Variants in VRK2 observed in about 807,000 individuals in gnomAD.
The protein encoded by VRK2 is VRK serine/threonine kinase 2.
Under a neutral mutation model 57.6 loss-of-function variants are expected in VRK2, and 60 were observed. The ratio of observed to expected loss-of-function variants is 1.04; its 90% CI spans 0.85 to 1.29. The LOEUF is 1.29. Among genes scored for constraint, VRK2 ranks in the 50% most tolerant of loss-of-function variants. The pLI is 0.00. For missense variants in VRK2, 705 were observed against 588.1 expected, an observed-to-expected ratio of 1.20 and a Z score of -2.06; for synonymous variants, 231 against 199.2, an observed-to-expected ratio of 1.16 and a Z score of -1.35.
intron 1 of VRK2, among the ~76,000 whole-genome samples, chr2:58,005,565 G>A (rs1303396827): frequency 6.6e-6 from 1 of 151,954 alleles, no homozygotes; most frequent in Non-Finnish European, 1.5e-5. Flanking sequence ...AAGAAATGTT[G>A]ATGCAAAACA....
chr2:57,994,509 G>T (rs895675637), intron 1 of VRK2, among the ~76,000 whole-genome samples: 1 of 152,034 alleles, frequency 6.6e-6, no homozygotes, highest in Non-Finnish European at 1.5e-5. Context: ...TGATCCACTG[G>T]AATGAATAAC....
chr2:58,026,204 G>A (rs906058922), intron 2 of VRK2, among the ~76,000 whole-genome samples: 2 of 151,898 alleles, frequency 1.3e-5, no homozygotes, highest in African/African-American at 2.4e-5. Context: ...GAGAATAATA[G>A]AAAATCTTTG....
chr2:58,056,801 G>A (rs1224199005), intron 2 of VRK2, among the ~76,000 whole-genome samples: 1 of 152,162 alleles, frequency 6.6e-6, no homozygotes, highest in Non-Finnish European at 1.5e-5. Flanking sequence ...TAGAGGTAGA[G>A]GAGAGTTGGT....
chr2:58,131,368 G>A (rs565322733), intron 8 of VRK2, among the ~76,000 whole-genome samples: 26 of 151,336 alleles, frequency 1.7e-4, no homozygotes, highest in African/African-American at 5.8e-4. Context: ...TCAATGTTTA[G>A]TCTGCACTCA....
At chr2:58,140,979 C>T (rs949732629) in intron 11 of VRK2, among the ~76,000 whole-genome samples, 65 of 152,112 alleles carry the variant, frequency 4.3e-4, no homozygotes, top group African/African-American at 1.4e-3. Context: ...ACCTTTCTCT[C>T]ATGATACAAT....
At chr2:57,994,842 A>G (rs1672877253) in intron 1 of VRK2, among the ~76,000 whole-genome samples, 1 of 152,188 alleles carries the variant, frequency 6.6e-6, no homozygotes, top group South Asian at 2.1e-4. Flanking sequence ...AAAAATTCCT[A>G]TATTTTCCCA....
intron 7 of VRK2, among the ~76,000 whole-genome samples, chr2:58,089,962 C>G (rs1204160272): frequency 6.6e-6 from 1 of 152,050 alleles, no homozygotes; most frequent in Admixed American, 6.6e-5. Flanking sequence ...TAAGAAGTGG[C>G]TGAGCAGGAA....
intron 1 of VRK2, among the ~76,000 whole-genome samples, chr2:57,947,432 GAAATCATCTTA>G (rs1671295735): frequency 6.6e-6 from 1 of 152,114 alleles, no homozygotes; most frequent in Non-Finnish European, 1.5e-5. Context: ...CATGTTTCAT[GAAATCATCTTA>G]ACCTCACAAA....
At chr2:57,968,559 C>G (rs1455879710) in intron 1 of VRK2, among the ~76,000 whole-genome samples, 1 of 152,016 alleles carries the variant, frequency 6.6e-6, no homozygotes, top group Non-Finnish European at 1.5e-5. Flanking sequence ...AGTTATGACT[C>G]AAGGATTTTT....
intron 12 of VRK2, among the ~76,000 whole-genome samples, chr2:58,157,476 A>T (rs1684090014): frequency 6.6e-6 from 1 of 152,154 alleles, no homozygotes; most frequent in African/African-American, 2.4e-5. Flanking sequence ...AAATGTCTCC[A>T]GAAATTGCTA....
At chr2:58,052,206 G>C (rs1214431271) in intron 2 of VRK2, among the ~76,000 whole-genome samples, 1 of 152,136 alleles carries the variant, frequency 6.6e-6, no homozygotes, top group Admixed American at 6.5e-5. Context: ...GCATAATTGT[G>C]ATAATAATAA....
chr2:58,007,962 C>G (rs2103640025), intron 1 of VRK2, among the ~76,000 whole-genome samples: 1 of 152,064 alleles, frequency 6.6e-6, no homozygotes, highest in African/African-American at 2.4e-5. Flanking sequence ...ATAATGCTGA[C>G]TACTTTAACA....
intron 1 of VRK2, among the ~76,000 whole-genome samples, chr2:57,996,595 A>G (rs1672930266): frequency 6.6e-6 from 1 of 152,238 alleles, no homozygotes. Context: ...CTGATTGGAT[A>G]CAACTGTATT....
intron 11 of VRK2, among the ~76,000 whole-genome samples, chr2:58,145,688 A>T (rs566567067): frequency 2.0e-5 from 3 of 147,320 alleles, no homozygotes; most frequent in African/African-American, 8.1e-5. Context: ...GGTTTATTAC[A>T]TATGTATATA....
chr2:57,965,988 AAG>A (rs1671904942), intron 1 of VRK2, among the ~76,000 whole-genome samples: 2 of 152,210 alleles, frequency 1.3e-5, no homozygotes, highest in African/African-American at 4.8e-5. Context: ...AAGTTATCTC[AAG>A]TTAAAATAAC....
chr2:58,154,333 ATTC>A (rs918988738), intron 12 of VRK2, among the ~76,000 whole-genome samples: 10 of 149,360 alleles, frequency 6.7e-5, no homozygotes, highest in African/African-American at 2.5e-4. Flanking sequence ...TTTTTTTTTA[ATTC>A]TTTTTTTGAC....
At chr2:57,927,989 G>C (rs1670596564) in intron 1 of VRK2, among the ~76,000 whole-genome samples, 1 of 152,036 alleles carries the variant, frequency 6.6e-6, no homozygotes, top group East Asian at 1.9e-4. Context: ...AGATCTTTGA[G>C]AGTTTAATTA....
intron 1 of VRK2, among the ~76,000 whole-genome samples, chr2:57,920,654 C>T (rs1049297736): frequency 1.3e-5 from 2 of 152,058 alleles, no homozygotes; most frequent in African/African-American, 4.8e-5. Flanking sequence ...CAAAACGTTG[C>T]TCCCTGAGAG....
chr2:57,926,113 T>A (rs1339984533), intron 1 of VRK2, among the ~76,000 whole-genome samples: 1 of 152,002 alleles, frequency 6.6e-6, no homozygotes, highest in Non-Finnish European at 1.5e-5. Flanking sequence ...AATTTCTTTT[T>A]TTTATTTTTT....
Sources: gnomAD v4.1 joint callset for allele counts (sites outside exome capture counted in the v4.1 genomes callset) on GRCh38, gnomAD v4.1.1 for gene constraint, MANE v1.5 for transcripts, NCBI Gene and HGNC (gene_info 2026-07-23, HGNC 2026-07-21) for gene names.